Variants in GLIS1 observed in about 807,000 individuals in gnomAD.
GLIS1 encodes the protein zinc finger protein GLIS1.
Under a neutral mutation model 63.8 loss-of-function variants are expected in GLIS1, and 24 were observed. The observed-to-expected ratio is 0.38, with a 90% confidence interval of 0.27 to 0.53. The LOEUF (loss-of-function observed/expected upper bound fraction) is 0.53. Ranked by LOEUF, GLIS1 falls within the 20% of genes least tolerant of loss-of-function variation. GLIS1 has a pLI of 0.85. For missense variants in GLIS1, 1,036 were observed against 1,074.1 expected, an observed-to-expected ratio of 0.96 and a Z score of 0.50; for synonymous variants, 450 against 482.5, an observed-to-expected ratio of 0.93 and a Z score of 0.88.
chr1:53,660,614 G>T (rs1570004397), intron 2 of GLIS1, among the ~76,000 whole-genome samples: 1 of 152,220 alleles, frequency 6.6e-6, no homozygotes, highest in Admixed American at 6.5e-5. Flanking sequence ...GGCCTGGGGT[G>T]GAGAAAAGGG....
At chr1:53,678,985 C>T (rs1646245188) in intron 2 of GLIS1, among the ~76,000 whole-genome samples, 1 of 152,220 alleles carries the variant, frequency 6.6e-6, no homozygotes, top group African/African-American at 2.4e-5. Context: ...TGCTCCTTCC[C>T]TATGACCCTC....
intron 2 of GLIS1, among the ~76,000 whole-genome samples, chr1:53,694,426 C>T (rs1646442810): frequency 6.6e-6 from 1 of 152,250 alleles, no homozygotes; most frequent in South Asian, 2.1e-4. Context: ...GCCAGGGACC[C>T]TTTCTGCCTT....
intron 4 of GLIS1, among the ~76,000 whole-genome samples, chr1:53,569,528 TA>T (rs1644964944): frequency 6.6e-6 from 1 of 152,180 alleles, no homozygotes; most frequent in South Asian, 2.1e-4. Flanking sequence ...ATAAAAATCC[TA>T]TAGGAGATAT....
intron 2 of GLIS1, among the ~76,000 whole-genome samples, chr1:53,656,691 C>T (rs1187222860): frequency 2.6e-5 from 4 of 152,296 alleles, no homozygotes; most frequent in African/African-American, 4.8e-5. Context: ...TTAAACCTTC[C>T]GTGGTTGAGA....
chr1:53,572,468 C>T (rs1644992768), intron 4 of GLIS1, among the ~76,000 whole-genome samples: 2 of 152,222 alleles, frequency 1.3e-5, no homozygotes, highest in Non-Finnish European at 2.9e-5. Context: ...TCCACGACAC[C>T]AGCTGTCCTC....
intron 4 of GLIS1, among the ~76,000 whole-genome samples, chr1:53,576,137 A>G (rs1374210882): frequency 2.0e-5 from 3 of 149,742 alleles, no homozygotes; most frequent in Non-Finnish European, 3.0e-5. Flanking sequence ...GGTACTTCAC[A>G]CTCCACACTC....
intron 4 of GLIS1, among the ~76,000 whole-genome samples, chr1:53,593,581 C>T (rs1042418966): frequency 6.6e-6 from 1 of 152,238 alleles, no homozygotes; most frequent in Non-Finnish European, 1.5e-5. Context: ...CAAACCCTGC[C>T]CTGGGGACCT....
intron 4 of GLIS1, among the ~76,000 whole-genome samples, chr1:53,591,504 C>A (rs548972246): frequency 6.6e-6 from 1 of 152,336 alleles, no homozygotes; most frequent in South Asian, 2.1e-4. Context: ...AGCTGTGTAA[C>A]CCTTAGCAAG....
intron 2 of GLIS1, among the ~76,000 whole-genome samples, chr1:53,685,068 T>C (rs982349406): frequency 4.6e-5 from 7 of 152,058 alleles, no homozygotes; most frequent in Non-Finnish European, 7.4e-5. Context: ...GGCAGAGTTC[T>C]GGGAGGGACA....
intron 2 of GLIS1, among the ~76,000 whole-genome samples, chr1:53,630,493 C>G (rs111347232): frequency 6.3e-4 from 28 of 44,178 alleles, no homozygotes; most frequent in African/African-American, 1.5e-3. Flanking sequence ...GGACCAATTT[C>G]TTTCTTTTTT....
At chr1:53,683,533 A>T (rs1299115445) in intron 2 of GLIS1, among the ~76,000 whole-genome samples, 2 of 152,030 alleles carry the variant, frequency 1.3e-5, no homozygotes, top group Non-Finnish European at 2.9e-5. Flanking sequence ...TACCTCAGAG[A>T]GTTCTCACGT....
intron 2 of GLIS1, among the ~76,000 whole-genome samples, chr1:53,693,558 C>T (rs1455006039): frequency 1.3e-5 from 2 of 152,230 alleles, no homozygotes; most frequent in Non-Finnish European, 2.9e-5. Flanking sequence ...CCCCCACAGC[C>T]CAGCCTCTCA....
chr1:53,575,451 T>A (rs1473839023), intron 4 of GLIS1, among the ~76,000 whole-genome samples: 1 of 152,196 alleles, frequency 6.6e-6, no homozygotes, highest in Non-Finnish European at 1.5e-5. Flanking sequence ...CTGGTCCCTC[T>A]CCTGGGACAC....
intron 4 of GLIS1, among the ~76,000 whole-genome samples, chr1:53,581,716 G>A (rs916263161): frequency 1.4e-4 from 22 of 152,116 alleles, no homozygotes; most frequent in Admixed American, 1.2e-3. Context: ...CCAGGCAGAC[G>A]GGGCAGCCAT....
At position 53,602,710 on chromosome 1, in the gene GLIS1, T is replaced by C. The variant is rs377552544; in HGVS notation, c.260-2432A>G. 2.0e-5 allele frequency among the ~76,000 whole-genome samples: 3 copies of C among 152,310 alleles called. No individual in the cohort carries two copies. The South Asian group carries it at 6.2e-4, about 32-fold the overall frequency. ...AAGGTTTGGAGAGAGATTCTGTGCC[T>C]TTGAGCAGGCTTGGGGGTCTGTAAG... On this transcript the variant is annotated intron_variant, in intron 2 of 10. Coordinates refer to ENST00000628545, the MANE Select transcript of GLIS1 (RefSeq NM_001367484.1).
Position 53,518,272 on chromosome 1 carries a change from C to T in GLIS1, c.1726+2362G>A, listed in dbSNP as rs1459677626. ...GAGCAGCACTAGCAGCAGGGAGGTG[C>T]GGGCTCTGGTTAAGAAGACAGCCTG... On this transcript the variant is annotated intron_variant, in intron 7 of 10. Transcript: ENST00000628545. Among the ~76,000 whole-genome samples the T allele has an allele frequency of 2.6e-5, 4 of 152,118 alleles. No homozygotes were observed. The South Asian group carries it at 6.2e-4, about 24-fold the overall frequency.
intron 2 of GLIS1, among the ~76,000 whole-genome samples, chr1:53,686,672 A>G (rs1441357571): frequency 6.6e-6 from 1 of 152,144 alleles, no homozygotes; most frequent in East Asian, 1.9e-4. Flanking sequence ...AAGATACAGG[A>G]AGGAGTCCAA....
At chr1:53,672,467 T>C (rs540183166) in intron 2 of GLIS1, among the ~76,000 whole-genome samples, 2 of 152,352 alleles carry the variant, frequency 1.3e-5, no homozygotes, top group South Asian at 4.1e-4. Context: ...TCACCTACTC[T>C]GTGAAGCCAT....
At chr1:53,656,006 T>A (rs535156621) in intron 2 of GLIS1, among the ~76,000 whole-genome samples, 1 of 152,334 alleles carries the variant, frequency 6.6e-6, no homozygotes, top group East Asian at 1.9e-4. Flanking sequence ...AGATGCCTAG[T>A]CCCATGGCCA....
Sources: allele counts gnomAD v4.1 joint callset (sites outside exome capture counted in the v4.1 genomes callset), GRCh38; gene constraint gnomAD v4.1.1; transcripts MANE v1.5; gene names NCBI Gene and HGNC (gene_info 2026-07-23, HGNC 2026-07-21).